CNTN4: variants seen among roughly 807,000 people sequenced by gnomAD.
CNTN4 encodes the protein contactin-4.
In CNTN4, 77 loss-of-function variants were observed where a neutral mutation model predicts 122.5. The ratio of observed to expected loss-of-function variants is 0.63; its 90% CI spans 0.52 to 0.76. CNTN4 has a LOEUF of 0.76. Among genes scored for constraint, CNTN4 ranks in the 30% least tolerant of loss-of-function variants. The pLI is 0.00. For synonymous variants in CNTN4, 512 were observed against 447.0 expected (o/e 1.15, Z -1.83); for missense variants, 1,256 against 1,259.1 (o/e 1.00, Z 0.04).
In CNTN4 at chr3:2,154,416, T is replaced by C. The variant is rs528987950; in HGVS notation, c.-145+53777T>C. Among the ~76,000 whole-genome samples the C allele has an allele frequency of 2.6e-5, 4 of 152,190 alleles. No homozygotes were observed. In the East Asian group the frequency reaches 7.7e-4, roughly 29 times the overall value. ...AAATAAAAGTGGATATGGTAATTTT[T>C]CTCCTTTCCAAATTATATTTTGTTC... On this transcript the variant is annotated intron_variant, in intron 2 of 24. Transcript: ENST00000418658.
chr3:2,389,583 TCTTC>T (rs2046372576), intron 3 of CNTN4, among the ~76,000 whole-genome samples: 1 of 152,256 alleles, frequency 6.6e-6, no homozygotes, highest in Admixed American at 6.5e-5. Context: ...TTTCCTTTTT[TCTTC>T]CTTTTCTTTC....
At chr3:3,034,847 C>T (rs1574882147) in intron 17 of CNTN4, 57 bp downstream of exon 17, 1 of 1,566,344 alleles carries the variant, frequency 6.4e-7, no homozygotes, top group Middle Eastern at 1.8e-4. Context: ...CTGGACACAG[C>T]ACTGTGGCAA....
At chr3:2,154,064 T>A (rs187357897) in intron 2 of CNTN4, among the ~76,000 whole-genome samples, 120 of 152,290 alleles carry the variant, frequency 7.9e-4, no homozygotes, top group Non-Finnish European at 1.1e-3. Flanking sequence ...GTTATTTTTT[T>A]AAATAATTCC....
chr3:2,598,587 C>T (rs1256361707), intron 4 of CNTN4, among the ~76,000 whole-genome samples: 1 of 152,022 alleles, frequency 6.6e-6, no homozygotes, highest in Non-Finnish European at 1.5e-5. Flanking sequence ...GCAATAAAGC[C>T]AGTACTCTTT....
intron 4 of CNTN4, among the ~76,000 whole-genome samples, chr3:2,703,227 C>T (rs1008329331): frequency 6.6e-6 from 1 of 152,062 alleles, no homozygotes; most frequent in Non-Finnish European, 1.5e-5. Flanking sequence ...GTCATGTATG[C>T]CTAATATAGT....
intron 2 of CNTN4, among the ~76,000 whole-genome samples, chr3:2,112,056 C>G (rs949543057): frequency 6.6e-6 from 1 of 152,106 alleles, no homozygotes; most frequent in Non-Finnish European, 1.5e-5. Context: ...TTATGGTTGA[C>G]TATTACTGCG....
chr3:2,706,945 A>G (rs1471213905), intron 4 of CNTN4, among the ~76,000 whole-genome samples: 2 of 152,072 alleles, frequency 1.3e-5, no homozygotes, highest in Non-Finnish European at 2.9e-5. Flanking sequence ...CCAGAAGTGT[A>G]ACTGGCATGG....
intron 2 of CNTN4, among the ~76,000 whole-genome samples, chr3:2,130,993 C>T (rs1271457896): frequency 2.0e-5 from 3 of 152,030 alleles, no homozygotes; most frequent in Non-Finnish European, 4.4e-5. Context: ...TTTTCCAGAG[C>T]GTTTTGCATA....
chr3:2,404,789 AT>A (rs895862172), intron 3 of CNTN4, among the ~76,000 whole-genome samples: 2 of 151,884 alleles, frequency 1.3e-5, no homozygotes, highest in Admixed American at 6.6e-5. Context: ...ACATCTCAGT[AT>A]TTTTTTTCTT....
At chr3:2,995,031 A>G (rs1242658623) in intron 14 of CNTN4, among the ~76,000 whole-genome samples, 2 of 152,166 alleles carry the variant, frequency 1.3e-5, no homozygotes, top group Non-Finnish European at 2.9e-5. Context: ...ACAAATTGTG[A>G]CCCTAGGCAT....
intron 3 of CNTN4, among the ~76,000 whole-genome samples, chr3:2,521,365 G>T (rs2077214409): frequency 3.9e-5 from 1 of 25,650 alleles, no homozygotes; most frequent in Admixed American, 6.6e-4. Context: ...CCCGCAATAA[G>T]TCACTCATTT....
At chr3:3,000,516 G>A (rs1354799273) in intron 14 of CNTN4, among the ~76,000 whole-genome samples, 3 of 152,188 alleles carry the variant, frequency 2.0e-5, no homozygotes, top group Non-Finnish European at 2.9e-5. Context: ...TATTACTTAC[G>A]TTTGATAAAA....
chr3:2,751,999 G>A (rs1223071546), intron 6 of CNTN4, among the ~76,000 whole-genome samples: 1 of 152,086 alleles, frequency 6.6e-6, no homozygotes, highest in African/African-American at 2.4e-5. Context: ...TCCCTTTTAA[G>A]GTTGTTAGCA....
intron 2 of CNTN4, among the ~76,000 whole-genome samples, chr3:2,218,520 G>C (rs1342720667): frequency 6.6e-6 from 1 of 152,078 alleles, no homozygotes; most frequent in Admixed American, 6.5e-5. Flanking sequence ...GGGCAATATA[G>C]TGAGAATCCA....
intron 3 of CNTN4, among the ~76,000 whole-genome samples, chr3:2,367,549 A>C (rs776124217): frequency 1.3e-5 from 2 of 151,758 alleles, no homozygotes; most frequent in Non-Finnish European, 3.0e-5. Flanking sequence ...TTTGAGACAG[A>C]GTTTTGCTCT....
chr3:2,384,143 C>T (rs983740269), intron 3 of CNTN4, among the ~76,000 whole-genome samples: 5 of 152,110 alleles, frequency 3.3e-5, no homozygotes, highest in African/African-American at 1.2e-4. Context: ...GAGCTTACAG[C>T]ATGTAGCCGT....
At chr3:2,968,022 T>G (rs1009366571) in intron 13 of CNTN4, among the ~76,000 whole-genome samples, 1 of 152,136 alleles carries the variant, frequency 6.6e-6, no homozygotes, top group Admixed American at 6.5e-5. Flanking sequence ...CTGCCTTATC[T>G]CAAAAGCCCT....
At chr3:2,244,026 A>G (rs2040043792) in intron 2 of CNTN4, among the ~76,000 whole-genome samples, 1 of 152,078 alleles carries the variant, frequency 6.6e-6, no homozygotes, top group African/African-American at 2.4e-5. Context: ...GTTGTACGGT[A>G]GTTTTCCTTT....
At chr3:2,677,188 G>T (rs959169230) in intron 4 of CNTN4, among the ~76,000 whole-genome samples, 2 of 146,980 alleles carry the variant, frequency 1.4e-5, no homozygotes, top group East Asian at 2.0e-4. Context: ...TATATATATA[G>T]ATATATCTCT....
Sources: gnomAD v4.1 joint callset for allele counts (sites outside exome capture counted in the v4.1 genomes callset) on GRCh38, gnomAD v4.1.1 for gene constraint, MANE v1.5 for transcripts, NCBI Gene and HGNC (gene_info 2026-07-23, HGNC 2026-07-21) for gene names.